Variants in PDE4C observed in about 807,000 individuals in gnomAD.
The protein encoded by PDE4C is 3',5'-cyclic-AMP phosphodiesterase 4C.
Under a neutral mutation model 63.9 loss-of-function variants are expected in PDE4C, and 50 were observed. The observed-to-expected ratio is 0.78, with a 90% CI of 0.62 to 0.99. PDE4C has a LOEUF of 0.99. Among genes scored for constraint, PDE4C ranks in the 50% least tolerant of loss-of-function variants. The pLI, the probability that PDE4C is intolerant of heterozygous loss-of-function variation, is 0.00. For missense variants in PDE4C, 777 were observed against 899.1 expected (o/e 0.86, Z 1.74); for synonymous variants, 377 against 385.1 (o/e 0.98, Z 0.25).
At position 18,220,344 on chromosome 19, in the gene PDE4C, C is replaced by T. The variant is rs1968402441; in HGVS notation, c.613-25G>A. 4.3e-6 allele frequency: 7 copies of T among 1,613,322 alleles called. No individual in the cohort carries two copies. The highest frequency in any genetic ancestry group is 1.6e-4 in the Middle Eastern group (1 of 6,078). ...ACTGGGGCGGAGAGAAGGTGAAGAC[C>T]GTGATGATGGGGCACCGTGGGCCGA... On this transcript the variant is annotated intron_variant, in intron 6 of 14. Transcript: ENST00000262805. The surrounding 1 kb of genome is among the most constrained non-coding windows in gnomAD (Gnocchi z 5.1).
chr19:18,245,641 T>C (rs986618790), intron 1 of PDE4C, among the ~76,000 whole-genome samples: 1 of 152,134 alleles, frequency 6.6e-6, no homozygotes, highest in Non-Finnish European at 1.5e-5. Context: ...TCATGAGCAC[T>C]CACCCAACCC....
In PDE4C at chr19:18,226,394, C is replaced by G. The variant is rs776959075; in HGVS notation, c.22G>C (p.Ala8Pro). 3 of 1,451,222 alleles carry G rather than the reference C, an allele frequency of 2.1e-6. No homozygotes were observed. The South Asian group carries it at 4.2e-5, about 20-fold the overall frequency. The allele number at this position is 1,451,222 out of a possible 1,614,324, so 89.9% of individuals were successfully genotyped here. ...GGGGAGCCGGGCCCGGGGACCGGGG[C>G]GGGCGCGGGGGGGCCCTGCATCGCC... The change falls in exon 1 of 15, where the codon GCC becomes CCC. Residue 8 changes from alanine to proline, a missense_variant. Ala to Pro is a conservative substitution (Grantham distance 27). Coordinates refer to ENST00000262805, the Ensembl canonical transcript of PDE4C.
chr19:18,217,606 G>C (rs988455964), intron 11 of PDE4C, among the ~76,000 whole-genome samples: 15 of 152,160 alleles, frequency 9.9e-5, no homozygotes, highest in Admixed American at 7.9e-4. Context: ...TTAAGATCTT[G>C]GTGGAACTGT....
chr19:18,215,261 C>T (rs1297366115), intron 12 of PDE4C, among the ~76,000 whole-genome samples: 3 of 152,124 alleles, frequency 2.0e-5, no homozygotes, highest in Admixed American at 1.3e-4. Flanking sequence ...TCAATGTTCC[C>T]TCTCCAAGAA....
At chr19:18,228,678 G>A (rs553200818), upstream of PDE4C, among the ~76,000 whole-genome samples, 94 of 152,290 alleles carry the variant, frequency 6.2e-4, 1 homozygote, top group Middle Eastern at 0.01. Flanking sequence ...CTAACAGGAA[G>A]GTGTTAATTA....
chr19:18,210,083 C>T, downstream of PDE4C: 1 of 152,404 alleles, frequency 6.6e-6, no homozygotes, highest in Non-Finnish European at 1.5e-5. Flanking sequence ...TGCAGTGATG[C>T]AGTCATAGCT....
chr19:18,250,262 C>T (rs145561122), upstream of PDE4C: 2,045 of 399,088 alleles, frequency 5.1e-3, 46 homozygotes, highest in African/African-American at 0.038. Context: ...GCAGCTCCCC[C>T]AACCATGCCT....
upstream of PDE4C, among the ~76,000 whole-genome samples, chr19:18,231,255 C>T (rs573672259): frequency 5.3e-5 from 8 of 152,312 alleles, no homozygotes; most frequent in South Asian, 2.1e-4. Flanking sequence ...GTGACTGCAG[C>T]GCATACGATG....
At chr19:18,253,851 G>A in the PDE4C span, among the ~76,000 whole-genome samples, 1 of 152,188 alleles carries the variant, frequency 6.6e-6, no homozygotes, top group Non-Finnish European at 1.5e-5. Context: ...CTCCCACAAC[G>A]ACTTCCCACC....
chr19:18,233,330 G>T, exon 1 of PDE4C: 1 of 1,191,664 alleles, frequency 8.4e-7, no homozygotes, highest in Non-Finnish European at 1.2e-6. Flanking sequence ...CGGAGGTGCT[G>T]AAGCGGTAGA....
intron 12 of PDE4C, 71 bp downstream of exon 12, chr19:18,216,670 G>A: frequency 4.9e-6 from 7 of 1,440,492 alleles, no homozygotes; most frequent in Non-Finnish European, 6.6e-6. Context: ...ACCCCACCCT[G>A]CTGTCTGCAG....
At chr19:18,240,502 T>C (rs933273390) in intron 1 of PDE4C, among the ~76,000 whole-genome samples, 2 of 150,404 alleles carry the variant, frequency 1.3e-5, no homozygotes, top group Admixed American at 6.7e-5. Flanking sequence ...CCGAGGTGGA[T>C]GGATCACAAG....
At chr19:18,232,421 G>T (rs1292914569) in intron 1 of PDE4C, among the ~76,000 whole-genome samples, 1 of 150,262 alleles carries the variant, frequency 6.7e-6, no homozygotes, top group East Asian at 2.0e-4. Context: ...GTGTGTGTGT[G>T]TATTTATATC....
At chr19:18,232,692 G>A (rs1968874072) in intron 1 of PDE4C, among the ~76,000 whole-genome samples, 1 of 138,824 alleles carries the variant, frequency 7.2e-6, no homozygotes, top group Non-Finnish European at 1.6e-5. Context: ...TCTCACGCGC[G>A]CGCGCGCACA....
chr19:18,249,943 C>G (rs1374692576), upstream of PDE4C: 2 of 394,070 alleles, frequency 5.1e-6, no homozygotes, highest in Non-Finnish European at 8.9e-6. Context: ...GACATGGTCC[C>G]CACTGTGACC....
upstream of PDE4C, among the ~76,000 whole-genome samples, chr19:18,248,382 C>T (rs1290130743): frequency 6.8e-6 from 1 of 146,658 alleles, no homozygotes; most frequent in Non-Finnish European, 1.5e-5. Context: ...TCCAAGAGGG[C>T]CTGAGGGGAC....
intron 1 of PDE4C, chr19:18,224,633 T>A: frequency 1.9e-6 from 1 of 530,170 alleles, no homozygotes; most frequent in Non-Finnish European, 2.4e-6. Flanking sequence ...CAAGTCCGGG[T>A]GACGCTCGGG....
intron 1 of PDE4C, among the ~76,000 whole-genome samples, chr19:18,239,953 G>T (rs561890130): frequency 3.3e-5 from 5 of 151,860 alleles, no homozygotes; most frequent in Non-Finnish European, 7.4e-5. Flanking sequence ...TTGAACCCAG[G>T]GGGTAGAGGT....
chr19:18,238,642 G>T (rs148245774), upstream of PDE4C, among the ~76,000 whole-genome samples: 2 of 152,096 alleles, frequency 1.3e-5, no homozygotes, highest in African/African-American at 4.8e-5. Flanking sequence ...GCACCATAGT[G>T]ATATTCTATT....
Sources: allele counts gnomAD v4.1 joint callset (sites outside exome capture counted in the v4.1 genomes callset), GRCh38; gene constraint gnomAD v4.1.1; non-coding constraint Gnocchi (gnomAD v3.1); transcripts MANE v1.5; gene names NCBI Gene and HGNC (gene_info 2026-07-23, HGNC 2026-07-21).